Variants in EIF4ENIF1 observed in about 807,000 individuals in gnomAD.
The protein encoded by EIF4ENIF1 is eukaryotic translation initiation factor 4E nuclear import factor 1, also known as eukaryotic translation initiation factor 4E transporter.
Under a neutral mutation model 110.5 loss-of-function variants are expected in EIF4ENIF1, and 23 were observed. That is an observed-to-expected ratio of 0.21 (90% CI 0.15 to 0.29). The LOEUF is 0.29. Among genes scored for constraint, EIF4ENIF1 ranks in the 10% least tolerant of loss-of-function variants. The probability of loss-of-function intolerance (pLI) is 1.00; values close to 1 mark genes in which losing one functional copy is unlikely to be tolerated. For synonymous variants in EIF4ENIF1, 440 were observed against 437.0 expected (o/e 1.01, Z -0.09); for missense variants, 1,031 against 1,221.1 (o/e 0.84, Z 2.32).
chr22:31,492,388 G>C (rs1477592513), upstream of EIF4ENIF1, among the ~76,000 whole-genome samples: 1 of 152,192 alleles, frequency 6.6e-6, no homozygotes, highest in Non-Finnish European at 1.5e-5. Context: ...ACCACCACAA[G>C]CCATACATGA....
upstream of EIF4ENIF1, among the ~76,000 whole-genome samples, chr22:31,491,837 C>G (rs1030816603): frequency 6.6e-6 from 1 of 152,196 alleles, no homozygotes; most frequent in Non-Finnish European, 1.5e-5. Context: ...GCCACCACAC[C>G]TGAGCTTTCT....
At chr22:31,471,513 A>G (rs2051378715) in intron 3 of EIF4ENIF1, among the ~76,000 whole-genome samples, 1 of 152,040 alleles carries the variant, frequency 6.6e-6, no homozygotes, top group African/African-American at 2.4e-5. Context: ...ATGGGGTTTC[A>G]CCATGTCAGC....
At chr22:31,467,804 GAAC>G (rs1464559425) in intron 4 of EIF4ENIF1, among the ~76,000 whole-genome samples, 1 of 150,730 alleles carries the variant, frequency 6.6e-6, no homozygotes, top group East Asian at 1.9e-4. Flanking sequence ...AAAAAAAACA[GAAC>G]AAAAAAAAAA....
intron 3 of EIF4ENIF1, among the ~76,000 whole-genome samples, chr22:31,470,179 A>G (rs890773750): frequency 1.4e-5 from 1 of 69,530 alleles, no homozygotes; most frequent in African/African-American, 5.9e-5. Flanking sequence ...AAAAAAAAAA[A>G]AAAAAGAAAA....
intron 4 of EIF4ENIF1, among the ~76,000 whole-genome samples, chr22:31,466,415 TG>T (rs35183957): frequency 0.93 from 137,576 of 148,178 alleles, 63,947 homozygotes; most frequent in East Asian, 0.99. Flanking sequence ...TCTGTCTCGG[TG>T]GGGGGAAAAA....
intron 2 of EIF4ENIF1, among the ~76,000 whole-genome samples, chr22:31,487,009 T>G (rs896581388): frequency 2.0e-5 from 3 of 151,660 alleles, no homozygotes; most frequent in Non-Finnish European, 2.9e-5. Context: ...TCACTTGAAC[T>G]TAGGAGGCAG....
At chr22:31,441,660 C>G in intron 17 of EIF4ENIF1, 114 bp downstream of exon 17, 1 of 905,656 alleles carries the variant, frequency 1.1e-6, no homozygotes, top group South Asian at 1.8e-5. Flanking sequence ...ATGGGAGAAT[C>G]TAGTAACATC....
Position 31,441,890 on chromosome 22 carries a change from G to A in EIF4ENIF1, c.2435C>T (p.Pro812Leu), listed in dbSNP as rs2050311070. ...TPFLRPVHQV[P>L]LVPHVPMVRP... Reference sequence around the variant, plus strand: ...AACCATAGGGACATGGGGGACAAGGGGAACTTGGTGGACAGGGCGGAGAAA... The same window carrying A: ...AACCATAGGGACATGGGGGACAAGGAGAACTTGGTGGACAGGGCGGAGAAA... Residue 812 changes from proline to leucine, a missense_variant, in exon 17 of 19, where the codon CCC (proline) becomes CTC (leucine). Physicochemically the swap from Pro to Leu is moderately conservative, Grantham distance 98. This residue lies in a region of EIF4ENIF1 where 309 missense variants were observed against 299.1 expected (regional missense o/e 1.03). Coordinates refer to ENST00000330125, the MANE Select transcript of EIF4ENIF1 (RefSeq NM_019843.4). 2 of 1,614,206 alleles carry A rather than the reference G, an allele frequency of 1.2e-6. No individual in the cohort carries two copies. Among genetic ancestry groups the A allele is most frequent in the Non-Finnish European group, 1.7e-6 (2 of 1,180,048 alleles).
chr22:31,458,679 CT>C (rs1164791566), intron 6 of EIF4ENIF1, 29 bp from the exon 7 acceptor site: 2 of 1,546,956 alleles, frequency 1.3e-6, no homozygotes, highest in Non-Finnish European at 1.7e-6. Context: ...CAAAAACCGT[CT>C]GATAAGTAAA....
At chr22:31,442,904 C>G in intron 16 of EIF4ENIF1, 58 bp downstream of exon 16, 2 of 1,600,006 alleles carry the variant, frequency 1.3e-6, no homozygotes, top group Non-Finnish European at 1.7e-6. Flanking sequence ...AGCGCTCAGG[C>G]CCATGTTTTC....
At chr22:31,480,570 A>G (rs1413370117) in intron 2 of EIF4ENIF1, among the ~76,000 whole-genome samples, 3 of 151,900 alleles carry the variant, frequency 2.0e-5, no homozygotes, top group African/African-American at 7.3e-5. Context: ...CCAGCCTAAC[A>G]TGGAGAAACC....
At chr22:31,490,914 A>C (rs1455992963), upstream of EIF4ENIF1, among the ~76,000 whole-genome samples, 3 of 152,188 alleles carry the variant, frequency 2.0e-5, no homozygotes, top group African/African-American at 7.2e-5. Flanking sequence ...TCACTTGTGA[A>C]ATTAGGGTGT....
At chr22:31,473,833 G>C (rs574218460) in intron 2 of EIF4ENIF1, among the ~76,000 whole-genome samples, 3 of 152,194 alleles carry the variant, frequency 2.0e-5, no homozygotes, top group African/African-American at 7.2e-5. Context: ...CAATCTGTGG[G>C]GAGACACTTT....
chr22:31,491,256 A>G (rs980936002), upstream of EIF4ENIF1, among the ~76,000 whole-genome samples: 2 of 152,238 alleles, frequency 1.3e-5, no homozygotes, highest in Non-Finnish European at 2.9e-5. Flanking sequence ...TTTTAAGCCT[A>G]TACAGAGACA....
chr22:31,468,255 G>A lies in EIF4ENIF1; in HGVS notation c.218C>T (p.Ala73Val), dbSNP rs1346705591. The change falls in exon 4 of 19, where the codon GCT (alanine) becomes GTT (valine). Residue 73 changes from alanine to valine, a missense_variant. Ala to Val is a moderately conservative substitution (Grantham distance 64). This residue lies in a region of EIF4ENIF1 where 704 missense variants were observed against 879.7 expected (regional missense o/e 0.80). Transcript: ENST00000330125. ...TTCCACTGGTGAGCTCCGCCCTGAA[G>A]CTGGGTAGAGAGAGGCATGCCACTT... The part of the protein sequence containing the change: ...PEKWHASLYP[A>V]SGRSSPVESL... The A allele has an allele frequency of 6.2e-7, 1 of 1,614,066 alleles. No individual in the cohort carries two copies. Among genetic ancestry groups the A allele is most frequent in the South Asian group, 1.1e-5 (1 of 91,082 alleles).
At chr22:31,440,974 G>A in intron 17 of EIF4ENIF1, 106 bp from the exon 18 acceptor site, 1 of 1,462,080 alleles carries the variant, frequency 6.8e-7, no homozygotes, top group Non-Finnish European at 9.3e-7. Flanking sequence ...AAGAATGAAG[G>A]GCTCTGCGCA....
In EIF4ENIF1 at chr22:31,442,957, A is replaced by G; in HGVS notation, c.2206+5T>C. ...TGAGCAGTGCCCTTAACAGCTCTGC[A>G]GTACCTTCACTGGCCTTCTGAGTAT... On this transcript the variant is annotated splice_donor_5th_base_variant and intron_variant, in intron 16 of 18. Transcript: ENST00000330125. 6.2e-7 allele frequency: 1 copy of G among 1,613,678 alleles called. No individual in the cohort carries two copies. Among genetic ancestry groups the G allele is most frequent in the South Asian group, 1.1e-5 (1 of 91,058 alleles).
intron 16 of EIF4ENIF1, among the ~76,000 whole-genome samples, chr22:31,442,402 T>A (rs186191590): frequency 1.3e-5 from 2 of 152,282 alleles, no homozygotes; most frequent in East Asian, 1.9e-4. Flanking sequence ...GAACCCAAAC[T>A]GTCTTAATAG....
chr22:31,441,064 G>A (rs1214416594), intron 17 of EIF4ENIF1, among the ~76,000 whole-genome samples, 196 bp from the exon 18 acceptor site: 1 of 152,122 alleles, frequency 6.6e-6, no homozygotes, highest in Non-Finnish European at 1.5e-5. Flanking sequence ...AGACCAGTAT[G>A]GCCAACATGG....
Sources: gnomAD v4.1 joint callset for allele counts (sites outside exome capture counted in the v4.1 genomes callset) on GRCh38, gnomAD v4.1.1 for gene constraint, gnomAD v4.1.1 regional missense constraint, MANE v1.5 for transcripts, NCBI Gene and HGNC (gene_info 2026-07-23, HGNC 2026-07-21) for gene names.